The following SEC63 variants were observed in gnomAD, a reference collection of about 807,000 sequenced individuals.
The protein encoded by SEC63 is translocation protein SEC63 homolog.
In SEC63, 56 loss-of-function variants were observed where a neutral mutation model predicts 116.2. The ratio of observed to expected loss-of-function variants is 0.48; its 90% CI spans 0.39 to 0.60. SEC63 has a LOEUF of 0.60. SEC63 is among the 20% of genes least tolerant of loss of function. SEC63 has a pLI of 0.00. For synonymous variants in SEC63, 273 were observed against 294.6 expected (o/e 0.93, Z 0.75); for missense variants, 668 against 900.0 (o/e 0.74, Z 3.30).
rs1301914286 is a variant in SEC63 at position 107,957,965 on chromosome 6, G to A, written c.45C>T (p.Phe15=). 2 of 1,613,388 alleles carry A rather than the reference G, an allele frequency of 1.2e-6. No individual in the cohort carries two copies. Among genetic ancestry groups the A allele is most frequent in the African/African-American group, 2.7e-5 (2 of 74,878 alleles). Residue 15 remains phenylalanine, a synonymous_variant, in exon 1 of 21, where the codon TTC becomes TTT. Transcript: ENST00000369002. Reference sequence around the variant, plus strand: ...CCACGAAGGAGGTGAGGAAGTAGAAGAAGGTGTTCCCACTGTCATCGTACT... The same window carrying A: ...CCACGAAGGAGGTGAGGAAGTAGAAAAAGGTGTTCCCACTGTCATCGTACT... ...QFQYDDSGNT[F]FYFLTSFVGL...
rs529945456 is a variant in SEC63, at chr6:107,871,346, A to G, written c.*358T>C. ...TTGCTAAAACTAAAGCTGAACAAAGAAAAGTCGCTCATTTACAGACTGTGT... is the reference window on the plus strand; with the variant it reads ...TTGCTAAAACTAAAGCTGAACAAAGGAAAGTCGCTCATTTACAGACTGTGT... On this transcript the variant is annotated 3_prime_UTR_variant, in exon 21 of 21. Transcript: ENST00000369002. The G allele has an allele frequency of 3.3e-4, 78 of 237,258 alleles. 1 individual carries two copies. The East Asian group carries it at 7.3e-3, about 22-fold the overall frequency. The allele number at this position is 237,258 out of a possible 1,614,324, so 14.7% of individuals were successfully genotyped here.
chr6:107,875,549 T>C (rs969521234), intron 19 of SEC63, among the ~76,000 whole-genome samples: 1 of 151,856 alleles, frequency 6.6e-6, no homozygotes, highest in African/African-American at 2.4e-5. Flanking sequence ...ATACAAAAAT[T>C]AGCCGGGCGT....
At chr6:107,930,856 A>G (rs1787790124) in intron 1 of SEC63, among the ~76,000 whole-genome samples, 2 of 150,238 alleles carry the variant, frequency 1.3e-5, no homozygotes, top group East Asian at 2.0e-4. Flanking sequence ...TTAGCCAGGC[A>G]TGGTGGTGCA....
intron 13 of SEC63, among the ~76,000 whole-genome samples, chr6:107,899,287 T>C (rs912373043): frequency 1.1e-4 from 16 of 152,208 alleles, no homozygotes; most frequent in Non-Finnish European, 2.4e-4. Flanking sequence ...TAGGCAGCAC[T>C]GTAAAAATAT....
Position 107,876,553 on chromosome 6 carries a change from T to C in SEC63, c.2034+11A>G. ...TTGTTAAACACTGAAATCATGTTGC[T>C]TGATAGTTACCTCCTCTGTATCTTT... On this transcript the variant is annotated intron_variant, in intron 19 of 20. Transcript: ENST00000369002. The C allele has an allele frequency of 6.7e-7, 1 of 1,503,748 alleles. No individual in the cohort carries two copies. The highest frequency in any genetic ancestry group is 9.2e-7 in the Non-Finnish European group (1 of 1,081,842). The allele number at this position is 1,503,748 out of a possible 1,614,324, so 93.2% of individuals were successfully genotyped here. A position where few individuals can be genotyped will look rare whatever the true frequency, so the allele number is the denominator to read the frequency against.
At chr6:107,955,931 T>G (rs1344526986) in intron 1 of SEC63, 1 of 338,636 alleles carries the variant, frequency 3.0e-6, no homozygotes, top group Admixed American at 4.5e-5. Flanking sequence ...GATTCTTCTA[T>G]GAAATCAGGT....
At position 107,870,292 on chromosome 6, in the gene SEC63, A is replaced by AG. The variant is rs1259132838; in HGVS notation, c.*1411_*1412insC. 6 of 152,758 alleles carry AG rather than the reference A, an allele frequency of 3.9e-5. No homozygotes were observed. The highest frequency in any genetic ancestry group is 1.4e-4 in the African/African-American group (6 of 41,562). The allele number at this position is 152,758 out of a possible 1,614,324, so 9.5% of individuals were successfully genotyped here. A position where few individuals can be genotyped will look rare whatever the true frequency, so the allele number is the denominator to read the frequency against. On this transcript the variant is annotated 3_prime_UTR_variant, in exon 21 of 21. Transcript: ENST00000369002. Reference sequence around the variant, plus strand: ...GGAAATATTACATCTTAAATTTAGAACCAAAAAAACCATTCATGGTTTTGC... The same window carrying AG: ...GGAAATATTACATCTTAAATTTAGAAGCCAAAAAAACCATTCATGGTTTTGC...
chr6:107,881,992 G>C (rs1786423934), intron 17 of SEC63, among the ~76,000 whole-genome samples: 1 of 152,118 alleles, frequency 6.6e-6, no homozygotes. Context: ...AATATACTTA[G>C]GAATATGTCA....
At chr6:107,918,328 A>G (rs1390869882) in intron 4 of SEC63, among the ~76,000 whole-genome samples, 2 of 152,200 alleles carry the variant, frequency 1.3e-5, no homozygotes, top group Admixed American at 6.5e-5. Context: ...ATGGAGCTGT[A>G]CAAACAGATT....
intron 4 of SEC63, among the ~76,000 whole-genome samples, chr6:107,920,758 T>C (rs907193448): frequency 3.3e-5 from 5 of 152,196 alleles, no homozygotes; most frequent in Non-Finnish European, 7.3e-5. Flanking sequence ...TTAAGTTTTA[T>C]CTCTTGGAAG....
At chr6:107,908,792 TTTAA>T (rs1787211261) in intron 8 of SEC63, 131 bp downstream of exon 8, 4 of 554,540 alleles carry the variant, frequency 7.2e-6, no homozygotes, top group Non-Finnish European at 9.6e-6. Context: ...TTTCTCTAGC[TTTAA>T]TTATATAAAT....
chr6:107,943,077 T>C (rs1361012838), intron 1 of SEC63, among the ~76,000 whole-genome samples: 2 of 152,218 alleles, frequency 1.3e-5, no homozygotes, highest in Non-Finnish European at 2.9e-5. Context: ...GATCACTTTC[T>C]ATGGTGATAT....
intron 7 of SEC63, among the ~76,000 whole-genome samples, chr6:107,910,603 C>T (rs867877977): frequency 4.1e-4 from 63 of 152,154 alleles, no homozygotes; most frequent in African/African-American, 1.4e-3. Flanking sequence ...CATACACACA[C>T]GTGTCATACA....
chr6:107,952,694 G>A (rs1770605415), intron 1 of SEC63, among the ~76,000 whole-genome samples: 1 of 152,060 alleles, frequency 6.6e-6, no homozygotes, highest in Admixed American at 6.5e-5. Flanking sequence ...GGAGGTGGAG[G>A]TTGCAGTGAG....
At chr6:107,875,434 T>C (rs899274924) in intron 19 of SEC63, among the ~76,000 whole-genome samples, 1 of 152,194 alleles carries the variant, frequency 6.6e-6, no homozygotes, top group Non-Finnish European at 1.5e-5. Flanking sequence ...CAGTGGCTCA[T>C]GCCTGTAATC....
In SEC63 at chr6:107,870,651, G is replaced by C. The variant is rs1205166478; in HGVS notation, c.*1053C>G. On this transcript the variant is annotated 3_prime_UTR_variant, in exon 21 of 21. Coordinates refer to ENST00000369002, the MANE Select transcript of SEC63 (RefSeq NM_007214.5). Reference sequence around the variant, plus strand: ...GGTTTTTCTACAGTATACAGAAATAGCAGTCACTTTAGCAGTAATGTACAA... The same window carrying C: ...GGTTTTTCTACAGTATACAGAAATACCAGTCACTTTAGCAGTAATGTACAA... The C allele has an allele frequency of 6.6e-6, 1 of 152,146 alleles. No homozygotes were observed. The highest frequency in any genetic ancestry group is 1.5e-5 in the Non-Finnish European group (1 of 68,024). The allele number at this position is 152,146 out of a possible 1,614,324, so 9.4% of individuals were successfully genotyped here.
At chr6:107,886,034 G>T (rs1186139887) in intron 16 of SEC63, among the ~76,000 whole-genome samples, 1 of 152,088 alleles carries the variant, frequency 6.6e-6, no homozygotes, top group South Asian at 2.1e-4. Context: ...ACATGCCCCG[G>T]TGTGTGATGT....
In SEC63 at chr6:107,879,842, A is replaced by C. The variant is rs139005690; in HGVS notation, c.1935+1307T>G. ...TGGGCTCAAGTGATCCTCCAACCTC[A>C]GCTTCCCAAGTAGCCTAGGACCACA... On this transcript the variant is annotated intron_variant, in intron 18 of 20. Transcript: ENST00000369002. Among the ~76,000 whole-genome samples the C allele has an allele frequency of 4.2e-3, 627 of 150,328 alleles. 3 individuals are homozygous for C. The highest frequency in any genetic ancestry group is 0.014 in the African/African-American group (588 of 40,730).
chr6:107,917,669 G>C (rs772205097), intron 4 of SEC63, among the ~76,000 whole-genome samples: 45 of 152,308 alleles, frequency 3.0e-4, no homozygotes, highest in South Asian at 8.3e-4. Context: ...TTGCTGATTT[G>C]AAGAATGTTT....
Sources: allele counts gnomAD v4.1 joint callset (sites outside exome capture counted in the v4.1 genomes callset), GRCh38; gene constraint gnomAD v4.1.1; transcripts MANE v1.5; gene names NCBI Gene and HGNC (gene_info 2026-07-23, HGNC 2026-07-21).